RNF217: variants seen among roughly 807,000 people sequenced by gnomAD.
RNF217 encodes ring finger protein 217, also known as E3 ubiquitin-protein ligase RNF217.
Under a neutral mutation model 57.8 loss-of-function variants are expected in RNF217, and 31 were observed. The ratio of observed to expected loss-of-function variants is 0.54; its 90% confidence interval spans 0.40 to 0.72. The LOEUF (loss-of-function observed/expected upper bound fraction) is 0.72. Ranked by LOEUF, RNF217 falls within the 30% of genes least tolerant of loss-of-function variation. The pLI, the probability that RNF217 is intolerant of heterozygous loss-of-function variation, is 0.00. For missense variants in RNF217, 696 were observed against 708.3 expected, an observed-to-expected ratio of 0.98 and a Z score of 0.20; for synonymous variants, 313 against 294.0, an observed-to-expected ratio of 1.06 and a Z score of -0.66.
intron 2 of RNF217, among the ~76,000 whole-genome samples, chr6:125,051,339 C>T (rs1003741525): frequency 8.6e-5 from 13 of 151,692 alleles, no homozygotes; most frequent in African/African-American, 3.1e-4. Flanking sequence ...TCTGATGGCC[C>T]CCGAGATCGT....
chr6:125,016,876 A>G (rs538087879), intron 1 of RNF217, among the ~76,000 whole-genome samples: 1 of 152,282 alleles, frequency 6.6e-6, no homozygotes. Flanking sequence ...GCACGCGTAT[A>G]CCTATCCAAC....
chr6:125,055,497 A>C (rs563509239), intron 2 of RNF217, among the ~76,000 whole-genome samples: 9 of 152,338 alleles, frequency 5.9e-5, no homozygotes, highest in African/African-American at 2.2e-4. Flanking sequence ...ACTTAATCAC[A>C]AAGATCTTTG....
At chr6:124,989,215 G>A (rs555954341) in intron 1 of RNF217, among the ~76,000 whole-genome samples, 2 of 152,100 alleles carry the variant, frequency 1.3e-5, no homozygotes, top group South Asian at 2.1e-4. Context: ...TTTGATGAGC[G>A]CTTATGCTAG....
At chr6:125,067,476 A>G (rs1274280286) in intron 3 of RNF217, among the ~76,000 whole-genome samples, 1 of 152,202 alleles carries the variant, frequency 6.6e-6, no homozygotes, top group Non-Finnish European at 1.5e-5. Context: ...CTAGATAAAT[A>G]TTATGGGGCT....
intron 1 of RNF217, among the ~76,000 whole-genome samples, chr6:124,994,303 C>G (rs1784668803): frequency 6.6e-6 from 1 of 152,148 alleles, no homozygotes; most frequent in South Asian, 2.1e-4. Context: ...ACTTCCCCTT[C>G]CCTTCCTTAT....
rs201332552 is a variant in RNF217, at chr6:124,996,956, A to G, written c.882+33530A>G. On this transcript the variant is annotated intron_variant, in intron 1 of 5. Coordinates refer to ENST00000521654, the MANE Select transcript of RNF217 (RefSeq NM_001286398.3). ...TTAAATCATCTTAATATGGTTTAGT[A>G]TTGACAGTGGAGATGCATAAAATAT... Among the ~76,000 whole-genome samples, 8 of 152,304 alleles carry G rather than the reference A, an allele frequency of 5.3e-5. No homozygotes were observed. In the East Asian group the frequency reaches 1.2e-3, roughly 22 times the overall value.
intron 1 of RNF217, among the ~76,000 whole-genome samples, chr6:125,018,535 G>A (rs1785697687): frequency 6.6e-6 from 1 of 151,990 alleles, no homozygotes. Flanking sequence ...AAGACAGTGA[G>A]AGAAAAGGAA....
In RNF217 at chr6:124,962,594, C is replaced by T. The variant is rs912769672; in HGVS notation, c.50C>T (p.Ser17Leu). 8.5e-6 allele frequency: 11 copies of T among 1,294,042 alleles called. No homozygotes were observed. In the African/African-American group the frequency reaches 1.7e-4, roughly 20 times the overall value. 80.2% of individuals were successfully genotyped at this position (1,294,042 alleles called of 1,614,324 possible). Reference sequence around the variant, plus strand: ...AGCGGCGGCGGCGGGCCCCAGGAGTCGCAGACCCTGGCCAGTGGCACTGCG... The same window carrying T: ...AGCGGCGGCGGCGGGCCCCAGGAGTTGCAGACCCTGGCCAGTGGCACTGCG... ...TVSGGGGPQE[S>L]QTLASGTAGH... is the part of the protein sequence containing the mutation. Residue 17 changes from serine (S) to leucine (L), a missense_variant, in exon 1 of 6, where the codon TCG becomes TTG. By Grantham distance (145) the Ser-to-Leu change is moderately radical. Around this residue, in one of 2 missense-constraint regions of RNF217, gnomAD observed 465 missense variants for 386.8 expected, o/e 1.20. Coordinates refer to ENST00000521654, the MANE Select transcript of RNF217 (RefSeq NM_001286398.3). The surrounding 1 kb of genome is among the most constrained non-coding windows in gnomAD (Gnocchi z 4.6).
intron 1 of RNF217, among the ~76,000 whole-genome samples, chr6:124,969,448 C>A (rs1048846663): frequency 2.0e-5 from 3 of 152,000 alleles, no homozygotes; most frequent in Non-Finnish European, 2.9e-5. Flanking sequence ...TTTAAAAATT[C>A]AATGTGTATG....
chr6:125,007,387 A>G (rs1325001368), intron 1 of RNF217, among the ~76,000 whole-genome samples: 2 of 151,752 alleles, frequency 1.3e-5, no homozygotes, highest in Admixed American at 6.6e-5. Flanking sequence ...CTGGGATTAT[A>G]GGCATGCGCC....
chr6:125,026,488 A>C (rs1245283827), intron 1 of RNF217, among the ~76,000 whole-genome samples: 1 of 152,206 alleles, frequency 6.6e-6, no homozygotes, highest in Non-Finnish European at 1.5e-5. Flanking sequence ...TATTGTGATA[A>C]TAGGATAAAT....
chr6:124,971,845 C>T (rs561465638), intron 1 of RNF217, among the ~76,000 whole-genome samples: 2 of 152,312 alleles, frequency 1.3e-5, no homozygotes, highest in South Asian at 4.2e-4. Context: ...TTGTATTTTA[C>T]CATCTCTTAA....
chr6:125,015,276 A>C (rs1422796642), intron 1 of RNF217, among the ~76,000 whole-genome samples: 1 of 152,312 alleles, frequency 6.6e-6, no homozygotes, highest in Admixed American at 6.5e-5. Context: ...TATCTTCATT[A>C]GATGTATTGA....
chr6:125,043,986 T>C (rs1263400069), intron 1 of RNF217, among the ~76,000 whole-genome samples: 1 of 152,080 alleles, frequency 6.6e-6, no homozygotes, highest in Non-Finnish European at 1.5e-5. Flanking sequence ...TCCTTCAGCC[T>C]GCAACTTCTT....
intron 2 of RNF217, among the ~76,000 whole-genome samples, chr6:125,045,959 A>G (rs1461665867): frequency 8.5e-5 from 13 of 152,174 alleles, no homozygotes; most frequent in Non-Finnish European, 1.5e-4. Flanking sequence ...AAAGTCGAAG[A>G]TGGGAGAGAC....
At chr6:125,070,597 T>C (rs574956811) in intron 3 of RNF217, among the ~76,000 whole-genome samples, 5 of 152,342 alleles carry the variant, frequency 3.3e-5, no homozygotes, top group African/African-American at 1.2e-4. Context: ...TGATAATTAG[T>C]GATGCTGAGC....
intron 1 of RNF217, among the ~76,000 whole-genome samples, chr6:125,039,072 C>A (rs1786770399): frequency 6.6e-6 from 1 of 152,032 alleles, no homozygotes; most frequent in Non-Finnish European, 1.5e-5. Context: ...TGTTGTTCAA[C>A]TCCCACTTGT....
intron 3 of RNF217, among the ~76,000 whole-genome samples, chr6:125,060,530 C>T (rs1218078761): frequency 6.6e-5 from 10 of 152,076 alleles, no homozygotes; most frequent in South Asian, 2.1e-4. Flanking sequence ...CTGCAACCTT[C>T]GCCTCCCAGG....
At chr6:124,963,520 G>C in intron 1 of RNF217, 94 bp downstream of exon 1, 2 of 1,371,382 alleles carry the variant, frequency 1.5e-6, no homozygotes, top group Non-Finnish European at 1.9e-6. Flanking sequence ...GCGCGAAGAG[G>C]TGACCGACAC....
Sources: allele counts gnomAD v4.1 joint callset (sites outside exome capture counted in the v4.1 genomes callset), GRCh38; gene constraint gnomAD v4.1.1; regional missense constraint gnomAD v4.1.1; non-coding constraint Gnocchi (gnomAD v3.1); transcripts MANE v1.5; gene names NCBI Gene and HGNC (gene_info 2026-07-23, HGNC 2026-07-21).